Variants in FOXP2 observed in about 807,000 individuals in gnomAD.
The protein encoded by FOXP2 is forkhead box protein P2.
Under a neutral mutation model 115.8 loss-of-function variants are expected in FOXP2, and 12 were observed. That is an observed-to-expected ratio of 0.10 (90% CI 0.07 to 0.17). The LOEUF (loss-of-function observed/expected upper bound fraction) is 0.17, where lower values mean the gene tolerates loss of function less well. Ranked by LOEUF, FOXP2 falls within the 10% of genes least tolerant of loss-of-function variation. The probability of loss-of-function intolerance (pLI) is 1.00; values close to 1 mark genes in which losing one functional copy is unlikely to be tolerated. For synonymous variants in FOXP2, 328 were observed against 297.7 expected (o/e 1.10, Z -1.05); for missense variants, 629 against 843.5 (o/e 0.75, Z 3.15).
At chr7:114,632,362 T>G (rs998901689) in intron 6 of FOXP2, among the ~76,000 whole-genome samples, 1 of 152,238 alleles carries the variant, frequency 6.6e-6, no homozygotes, top group African/African-American at 2.4e-5. Context: ...TGTGTCATAT[T>G]CATAACCCTT....
At chr7:114,416,355 G>A (rs1163942195) in intron 1 of FOXP2, 1 of 151,944 alleles carries the variant, frequency 6.6e-6, no homozygotes. Context: ...ACTTTTCCCA[G>A]TGACATGAGC....
intron 1 of FOXP2, among the ~76,000 whole-genome samples, chr7:114,253,606 G>T (rs1464846913): frequency 1.3e-5 from 2 of 152,114 alleles, no homozygotes; most frequent in African/African-American, 4.8e-5. Flanking sequence ...CAGAGACTAG[G>T]ATTGCAACCC....
chr7:114,632,606 T>G (rs1804981367), intron 6 of FOXP2, among the ~76,000 whole-genome samples: 1 of 152,132 alleles, frequency 6.6e-6, no homozygotes, highest in African/African-American at 2.4e-5. Context: ...GCTGCACATT[T>G]TGCTGATTCT....
chr7:114,196,310 T>A (rs1000822269), intron 1 of FOXP2, among the ~76,000 whole-genome samples: 1 of 152,162 alleles, frequency 6.6e-6, no homozygotes, highest in African/African-American at 2.4e-5. Flanking sequence ...ACGCCCAGCC[T>A]AAAAATTTTA....
intron 6 of FOXP2, among the ~76,000 whole-genome samples, chr7:114,639,378 G>A (rs991366593): frequency 3.3e-5 from 5 of 152,120 alleles, no homozygotes; most frequent in South Asian, 2.1e-4. Flanking sequence ...CACATGCCAC[G>A]CACTGTTCAA....
At chr7:114,490,935 T>G (rs1221617220) in intron 2 of FOXP2, among the ~76,000 whole-genome samples, 1 of 152,220 alleles carries the variant, frequency 6.6e-6, no homozygotes, top group Middle Eastern at 3.2e-3. Context: ...TTCCAAGTCT[T>G]TGCTATTGTG....
chr7:114,207,881 C>T (rs1794240236), intron 1 of FOXP2, among the ~76,000 whole-genome samples: 1 of 152,162 alleles, frequency 6.6e-6, no homozygotes, highest in African/African-American at 2.4e-5. Flanking sequence ...ACTGAAAAGG[C>T]CAGATATGGT....
intron 2 of FOXP2, among the ~76,000 whole-genome samples, chr7:114,408,110 C>T (rs1225876948): frequency 6.6e-6 from 1 of 151,938 alleles, no homozygotes; most frequent in Non-Finnish European, 1.5e-5. Context: ...ATTTTGAATA[C>T]TTGTTTCATT....
At chr7:114,271,231 A>G (rs1180075893) in intron 1 of FOXP2, among the ~76,000 whole-genome samples, 1 of 151,264 alleles carries the variant, frequency 6.6e-6, no homozygotes, top group East Asian at 1.9e-4. Context: ...AAACAAAGAG[A>G]GTTTTATTTT....
intron 6 of FOXP2, among the ~76,000 whole-genome samples, chr7:114,638,653 C>T (rs922233261): frequency 6.6e-6 from 1 of 152,148 alleles, no homozygotes; most frequent in African/African-American, 2.4e-5. Flanking sequence ...CCAAAATTAT[C>T]TGTGCATTGG....
chr7:114,213,937 A>G (rs908909667), intron 1 of FOXP2, among the ~76,000 whole-genome samples: 1 of 152,220 alleles, frequency 6.6e-6, no homozygotes, highest in Admixed American at 6.5e-5. Context: ...AAAGAAGACT[A>G]TAGGAGAAAA....
intron 2 of FOXP2, chr7:114,297,099 C>T: frequency 2.3e-6 from 1 of 436,682 alleles, no homozygotes; most frequent in Non-Finnish European, 4.6e-6. Flanking sequence ...AGGGAGAGGG[C>T]AGGGCAGGGG....
intron 1 of FOXP2, among the ~76,000 whole-genome samples, chr7:114,209,183 C>A (rs987635171): frequency 6.6e-6 from 1 of 152,068 alleles, no homozygotes; most frequent in Non-Finnish European, 1.5e-5. Context: ...TAAGGGGGTC[C>A]CTCCTTTGCT....
chr7:114,218,471 G>A (rs1045155822), intron 1 of FOXP2, among the ~76,000 whole-genome samples: 3 of 152,082 alleles, frequency 2.0e-5, no homozygotes, highest in African/African-American at 7.2e-5. Flanking sequence ...GCAGTAGCAT[G>A]TGCAAAAAAT....
At chr7:114,255,412 G>A (rs1039024746) in intron 1 of FOXP2, among the ~76,000 whole-genome samples, 4 of 152,192 alleles carry the variant, frequency 2.6e-5, no homozygotes, top group Non-Finnish European at 5.9e-5. Flanking sequence ...ATGCAGGCAG[G>A]CCTCCTTCAG....
chr7:114,108,579 A>G (rs1791183067), intron 1 of FOXP2, among the ~76,000 whole-genome samples: 1 of 151,912 alleles, frequency 6.6e-6, no homozygotes, highest in African/African-American at 2.4e-5. Context: ...AATGTATTAA[A>G]ATGGGGATTA....
chr7:114,446,235 A>G (rs17137023), intron 2 of FOXP2, among the ~76,000 whole-genome samples: 408 of 152,142 alleles, frequency 2.7e-3, no homozygotes, highest in Admixed American at 4.8e-3. Context: ...AAGTTTAGGA[A>G]TGTCGTTATA....
At position 114,130,797 on chromosome 7, in the gene FOXP2, G is replaced by GA. The variant is rs375982948; in HGVS notation, c.-246-32142dup. On this transcript the variant is annotated intron_variant, in intron 1 of 19. Coordinates refer to the FOXP2 transcript ENST00000635638. ...GAAAATTGGGAATTTATTTTTCTGG[G>GA]AAAAATCGTAAACTGCTATTGAATT... 3.5e-4 allele frequency among the ~76,000 whole-genome samples: 53 copies of GA among 152,268 alleles called. 2 individuals carry two copies. Among genetic ancestry groups the GA allele is most frequent in the African/African-American group, 1.1e-3 (47 of 41,558 alleles).
chr7:114,181,349 A>C (rs1793449940), intron 1 of FOXP2, among the ~76,000 whole-genome samples: 1 of 151,708 alleles, frequency 6.6e-6, no homozygotes, highest in South Asian at 2.1e-4. Context: ...CTAACCTTCT[A>C]TAACCTAAAA....
Sources: allele counts gnomAD v4.1 joint callset (sites outside exome capture counted in the v4.1 genomes callset), GRCh38; gene constraint gnomAD v4.1.1; transcripts MANE v1.5; gene names NCBI Gene and HGNC (gene_info 2026-07-23, HGNC 2026-07-21).